Variants in MPP2 observed in about 807,000 individuals in gnomAD.
MPP2 encodes the protein MAGUK p55 scaffold protein 2, also known as MAGUK p55 subfamily member 2.
In MPP2, 42 loss-of-function variants were observed where a neutral mutation model predicts 58.5. The ratio of observed to expected loss-of-function variants is 0.72; its 90% CI spans 0.56 to 0.93. The LOEUF (loss-of-function observed/expected upper bound fraction) is 0.93, where lower values mean the gene tolerates loss of function less well. Among genes scored for constraint, MPP2 ranks in the 40% least tolerant of loss-of-function variants. The pLI is 0.00. For synonymous variants in MPP2, 300 were observed against 307.8 expected (o/e 0.97, Z 0.26); for missense variants, 632 against 760.4 (o/e 0.83, Z 1.99).
At chr17:43,908,066 G>GGAATCCGGATATCCACCCT (rs2048359546), upstream of MPP2, 1 of 751,448 alleles carries the variant, frequency 1.3e-6, no homozygotes, top group Non-Finnish European at 1.6e-6. Flanking sequence ...CAGAAATTTT[G>GGAATCCGGATATCCACCCT]CAAAAAAGAG....
rs747067215 is a variant in MPP2, at chr17:43,880,747, C to A, written c.1094G>T (p.Ser365Ile). The A allele has an allele frequency of 1.2e-6, 2 of 1,613,996 alleles. No homozygotes were observed. The highest frequency in any genetic ancestry group is 4.5e-5 in the East Asian group (2 of 44,880). Residue 365 changes from serine to isoleucine, a missense_variant, in exon 10 of 13, where the codon AGC becomes ATC. Coordinates refer to ENST00000269095, the MANE Select transcript of MPP2 (RefSeq NM_005374.5). The surrounding 1 kb of genome is among the most constrained non-coding windows in gnomAD (Gnocchi z 5.2). ...LIGAQGVGRR[S>I]LKNKLIMWDP... ...CCACATGATGAGCTTGTTCTTCAGG[C>A]TGCGCCGTCCCACGCCCTGAGCCCC...
Position 43,901,191 on chromosome 17 carries a change from C to G in MPP2, c.32-2811G>C, listed in dbSNP as rs757954479. On this transcript the variant is annotated intron_variant, in intron 2 of 12. Transcript: ENST00000269095. ...CAAATACCTCAAGCCTCAGACGCCT[C>G]CCCCTACCCACCCTTGGTCAGCCAC... The G allele has an allele frequency of 1.2e-4, 116 of 928,218 alleles. No individual in the cohort carries two copies. In the Middle Eastern group the frequency reaches 1.7e-3, roughly 13 times the overall value. 57.5% of individuals were successfully genotyped at this position (928,218 alleles called of 1,614,324 possible). A position where few individuals can be genotyped will look rare whatever the true frequency, so the allele number is the denominator to read the frequency against.
intron 3 of MPP2, among the ~76,000 whole-genome samples, chr17:43,896,500 C>T (rs2047852920): frequency 6.9e-6 from 1 of 145,488 alleles, no homozygotes; most frequent in Admixed American, 6.8e-5. Flanking sequence ...CTCAGAGAGC[C>T]ACCGAGCCTT....
At chr17:43,903,324 C>A (rs1299516532) in intron 2 of MPP2, among the ~76,000 whole-genome samples, 1 of 151,892 alleles carries the variant, frequency 6.6e-6, no homozygotes, top group African/African-American at 2.4e-5. Context: ...CTGATCTTGT[C>A]CCATCATCTC....
intron 1 of MPP2, 49 bp from the exon 2 acceptor site, chr17:43,904,542 G>C (rs759953615): frequency 6.5e-7 from 1 of 1,549,328 alleles, no homozygotes; most frequent in Non-Finnish European, 8.9e-7. Context: ...CAAAGCAATG[G>C]GGAAGGGAAT....
intron 3 of MPP2, among the ~76,000 whole-genome samples, chr17:43,889,917 A>T (rs1011818420): frequency 4.1e-5 from 6 of 145,858 alleles, no homozygotes; most frequent in Non-Finnish European, 8.9e-5. Context: ...GGTTCACACC[A>T]TTCTCCTGCC....
chr17:43,887,280 A>T (rs2047409281), intron 3 of MPP2, among the ~76,000 whole-genome samples: 1 of 152,086 alleles, frequency 6.6e-6, no homozygotes, highest in South Asian at 2.1e-4. Flanking sequence ...CTTACTTGGG[A>T]GGCTGAGGTG....
chr17:43,886,326 C>G (rs1358140157), intron 3 of MPP2, among the ~76,000 whole-genome samples: 1 of 151,310 alleles, frequency 6.6e-6, no homozygotes, highest in Non-Finnish European at 1.5e-5. Flanking sequence ...GCTCTGTCAC[C>G]CAGGATGGAG....
Position 43,882,837 on chromosome 17 carries a change from G to A in MPP2, c.453+66C>T, listed in dbSNP as rs149170919. The A allele has an allele frequency of 4.3e-4, 686 of 1,599,674 alleles. No individual in the cohort carries two copies. The African/African-American group carries it at 7.5e-3, about 17-fold the overall frequency. On this transcript the variant is annotated intron_variant, in intron 5 of 12. Transcript: ENST00000269095. ...AGACCACACTTGGCCTTTTTTGTCC[G>A]TTCATTGGTTATTCTCAATCCCCCC...
At chr17:43,904,304 TG>T in intron 2 of MPP2, 125 bp downstream of exon 2, 1 of 785,800 alleles carries the variant, frequency 1.3e-6, no homozygotes, top group Non-Finnish European at 2.1e-6. Context: ...AATGGCTGAG[TG>T]GTAGGGTGGA....
At chr17:43,896,668 CTGGA>C (rs1173000587) in intron 3 of MPP2, among the ~76,000 whole-genome samples, 1 of 152,120 alleles carries the variant, frequency 6.6e-6, no homozygotes, top group East Asian at 1.9e-4. Context: ...CTCTTCCTCT[CTGGA>C]TGGAGTCACC....
At chr17:43,894,573 C>T (rs1567896004) in intron 3 of MPP2, among the ~76,000 whole-genome samples, 3 of 134,486 alleles carry the variant, frequency 2.2e-5, no homozygotes, top group East Asian at 2.4e-4. Flanking sequence ...GCCGAGATTG[C>T]GCCACTGCAC....
chr17:43,877,927 C>A lies in MPP2; in HGVS notation c.1539G>T (p.Gly513=). 1 of 1,614,026 alleles carries A rather than the reference C, an allele frequency of 6.2e-7. No individual in the cohort carries two copies. Among genetic ancestry groups the A allele is most frequent in the South Asian group, 1.1e-5 (1 of 91,082 alleles). The part of the protein sequence containing the change: ...EESSRIQRGY[G]HYFDLCLVNS... ...TGACCAGGCAGAGGTCAAAGTAGTG[C>A]CCGTAGCCCCGCTGGATGCGGCTGC... Residue 513 remains glycine (G), a synonymous_variant, in exon 13 of 13, where the codon GGG becomes GGT. Transcript: ENST00000269095.
At chr17:43,889,705 C>G (rs2047518692) in intron 3 of MPP2, among the ~76,000 whole-genome samples, 1 of 151,768 alleles carries the variant, frequency 6.6e-6, no homozygotes, top group Non-Finnish European at 1.5e-5. Context: ...CCCTGGCTTC[C>G]CAGTTAAAGA....
In MPP2 at chr17:43,904,442, T is replaced by G; in HGVS notation, c.19A>C (p.Asn7His). The change falls in exon 2 of 13, where the codon AAC becomes CAC. Residue 7 changes from asparagine (N) to histidine (H), a missense_variant. By Grantham distance (68) the Asn-to-His change is moderately conservative (BLOSUM62 1). Coordinates refer to ENST00000269095, the MANE Select transcript of MPP2 (RefSeq NM_005374.5). The stretch of plus-strand genomic sequence containing the variant: ...ACCCCCTTCTTACCAGTTTCAGAGT[T>G]GGTGGCGGCAACCGGCATGGTGAAG... MPVAAT[N>H]SETAMQQVLD... 6.2e-7 allele frequency: 1 copy of G among 1,613,944 alleles called. No homozygotes were observed. Among genetic ancestry groups the G allele is most frequent in the Non-Finnish European group, 8.5e-7 (1 of 1,179,886 alleles).
At chr17:43,906,265 C>A (rs117565581) in intron 1 of MPP2, 9,392 of 412,778 alleles carry the variant, frequency 0.023, 122 homozygotes, top group South Asian at 0.043. Context: ...CCCAGAGCAT[C>A]GGCTGGCTTT....
chr17:43,908,824 C>A (rs1026200130), upstream of MPP2, among the ~76,000 whole-genome samples: 5 of 152,234 alleles, frequency 3.3e-5, no homozygotes, highest in Non-Finnish European at 7.3e-5. Context: ...AGACTCAGCT[C>A]TCCCCTGAGT....
At chr17:43,895,385 T>C (rs1415173480) in intron 3 of MPP2, among the ~76,000 whole-genome samples, 1 of 152,242 alleles carries the variant, frequency 6.6e-6, no homozygotes, top group Admixed American at 6.5e-5. Context: ...GTGCTGGGAC[T>C]AAAGCTGTAA....
rs779543198 is a variant in MPP2 at position 43,881,438 on chromosome 17, C to T, written c.813+20G>A. 13 of 1,613,896 alleles carry T rather than the reference C, an allele frequency of 8.1e-6. No homozygotes were observed. Among genetic ancestry groups the T allele is most frequent in the Admixed American group, 6.7e-5 (4 of 59,992 alleles). On this transcript the variant is annotated intron_variant, in intron 7 of 12. Coordinates refer to ENST00000269095, the MANE Select transcript of MPP2 (RefSeq NM_005374.5). Reference sequence around the variant, plus strand: ...CCCATGCACCATACCTGGAGAGATGCGGGGGTGCCCGCAGCTCACCTGCCA... The same window carrying T: ...CCCATGCACCATACCTGGAGAGATGTGGGGGTGCCCGCAGCTCACCTGCCA...
Sources: gnomAD v4.1 joint callset for allele counts (sites outside exome capture counted in the v4.1 genomes callset) on GRCh38, gnomAD v4.1.1 for gene constraint, Gnocchi (gnomAD v3.1) non-coding constraint, MANE v1.5 for transcripts, NCBI Gene and HGNC (gene_info 2026-07-23, HGNC 2026-07-21) for gene names.